Variants in SCAF4 observed in about 807,000 individuals in gnomAD.
SCAF4 encodes SR-related and CTD-associated factor 4.
A neutral mutation model predicts 129.8 loss-of-function variants in SCAF4; 25 were observed. The observed-to-expected ratio is 0.19, with a 90% CI of 0.14 to 0.27. The LOEUF (loss-of-function observed/expected upper bound fraction) is 0.27. Among genes scored for constraint, SCAF4 ranks in the 10% least tolerant of loss-of-function variants. SCAF4 has a pLI of 1.00. For missense variants in SCAF4, 1,246 were observed against 1,457.1 expected (o/e 0.86, Z 2.36); for synonymous variants, 551 against 497.7 (o/e 1.11, Z -1.43).
intron 1 of SCAF4, 83 bp from the exon 2 acceptor site, chr21:31,706,440 C>T (rs2050664538): frequency 8.9e-6 from 8 of 899,458 alleles, no homozygotes; most frequent in South Asian, 4.6e-5. Flanking sequence ...TCTACATCAC[C>T]ACTTGGAAAA....
At chr21:31,709,350 CA>C (rs376581889) in intron 1 of SCAF4, among the ~76,000 whole-genome samples, 1,447 of 117,670 alleles carry the variant, frequency 0.012, 23 homozygotes, top group African/African-American at 0.035. Flanking sequence ...CTGAAACTGT[CA>C]AAAAAAAAAA....
At chr21:31,685,807 A>G in intron 16 of SCAF4, 74 bp from the exon 17 acceptor site, 1 of 1,385,370 alleles carries the variant, frequency 7.2e-7, no homozygotes, top group Non-Finnish European at 9.8e-7. Context: ...CAGATAAAAG[A>G]GCAAACTGTT....
chr21:31,675,703 A>T (rs1450789636), intron 19 of SCAF4, among the ~76,000 whole-genome samples: 1 of 152,214 alleles, frequency 6.6e-6, no homozygotes, highest in Non-Finnish European at 1.5e-5. Context: ...CAAATTTGGG[A>T]AGTATGGAAA....
chr21:31,706,987 G>T, intron 1 of SCAF4: 1 of 301,476 alleles, frequency 3.3e-6, no homozygotes, highest in Non-Finnish European at 6.3e-6. Flanking sequence ...TTTTTAAGGA[G>T]GGAATCCCAG....
At chr21:31,705,955 A>C (rs970996292) in intron 2 of SCAF4, among the ~76,000 whole-genome samples, 3 of 152,214 alleles carry the variant, frequency 2.0e-5, no homozygotes, top group South Asian at 4.1e-4. Flanking sequence ...CTGTAATCTC[A>C]GCTACTCAGG....
chr21:31,685,072 A>G lies in SCAF4; in HGVS notation c.2465T>C (p.Val822Ala). ...ACCAAGAAGTGAAACAGGCTGGGTTACAGGAGGGGTGGGCAGATTCGTGGG... is the reference window on the plus strand; with the variant it reads ...ACCAAGAAGTGAAACAGGCTGGGTTGCAGGAGGGGTGGGCAGATTCGTGGG... ...AAPTNLPTPP[V>A]TQPVSLLGTQ... is the part of the protein sequence containing the mutation. The change falls in exon 19 of 20, where the codon GTA (valine) becomes GCA (alanine). Residue 822 changes from valine to alanine, a missense_variant. Physicochemically the swap from Val to Ala is moderately conservative, Grantham distance 64. Around this residue, in one of 6 missense-constraint regions of SCAF4, gnomAD observed 468 missense variants for 605.5 expected, o/e 0.77. Coordinates refer to ENST00000286835, the MANE Select transcript of SCAF4 (RefSeq NM_020706.2). 6.2e-7 allele frequency: 1 copy of G among 1,611,310 alleles called. No homozygotes were observed. The highest frequency in any genetic ancestry group is 8.5e-7 in the Non-Finnish European group (1 of 1,178,556).
intron 19 of SCAF4, among the ~76,000 whole-genome samples, chr21:31,676,101 T>C (rs1207409587): frequency 2.0e-5 from 3 of 152,154 alleles, no homozygotes; most frequent in African/African-American, 4.8e-5. Flanking sequence ...ACTGCATCAG[T>C]TGCAGAGGAT....
rs573116164 is a variant in SCAF4, at chr21:31,671,108, TAAAA to T, written c.*287_*290del. The stretch of plus-strand genomic sequence containing the variant: ...CTTTCACCGTTACCTTGTCTTAAAT[TAAAA>T]AAAAAAAAAAAAATAGAGAGCACTT... On this transcript the variant is annotated 3_prime_UTR_variant, in exon 20 of 20. Coordinates refer to ENST00000286835, the MANE Select transcript of SCAF4 (RefSeq NM_020706.2). The T allele has an allele frequency of 2.6e-4, 54 of 207,830 alleles. No individual in the cohort carries two copies. The highest frequency in any genetic ancestry group is 5.2e-4 in the East Asian group (5 of 9,562). 12.9% of individuals were successfully genotyped at this position (207,830 alleles called of 1,614,324 possible). A position where few individuals can be genotyped will look rare whatever the true frequency, so the allele number is the denominator to read the frequency against.
At chr21:31,704,318 T>A (rs1210290725) in intron 3 of SCAF4, among the ~76,000 whole-genome samples, 2 of 152,138 alleles carry the variant, frequency 1.3e-5, no homozygotes, top group Admixed American at 1.3e-4. Flanking sequence ...TTTTAACATA[T>A]CAATTTTAAT....
chr21:31,723,550 T>C (rs2051123856), intron 1 of SCAF4, among the ~76,000 whole-genome samples: 1 of 152,144 alleles, frequency 6.6e-6, no homozygotes, highest in South Asian at 2.1e-4. Flanking sequence ...CAGATAAGTT[T>C]TTCCACTATT....
chr21:31,671,602 G>A lies in SCAF4; in HGVS notation c.3241C>T (p.Pro1081Ser), dbSNP rs904527622. Residue 1081 changes from proline (P) to serine (S), a missense_variant, in exon 20 of 20, where the codon CCT (proline) becomes TCT (serine). Pro to Ser is a moderately conservative substitution (Grantham distance 74). This residue lies in a region of SCAF4 where 339 missense variants were observed against 325.0 expected (regional missense o/e 1.04). Coordinates refer to ENST00000286835, the MANE Select transcript of SCAF4 (RefSeq NM_020706.2). ...EKEEARGKEK[P>S]EVTDRAGGNK... ...CCACCTGCCCTGTCTGTCACCTCAG[G>A]CTTTTCCTTTCCTCGGGCTTCTTCC... 3.1e-6 allele frequency: 5 copies of A among 1,614,068 alleles called. 1 individual carries two copies.
Position 31,731,646 on chromosome 21 carries a change from C to T in SCAF4, c.30+17G>A, listed in dbSNP as rs759883715. The T allele has an allele frequency of 1.3e-6, 2 of 1,589,436 alleles. No individual in the cohort carries two copies. Among genetic ancestry groups the T allele is most frequent in the Non-Finnish European group, 1.7e-6 (2 of 1,172,778 alleles). ...CCGCAGCAGGCCCGGCACCCCCCTG[C>T]CCCAAACACCCCTTACCTCCTGGTT... On this transcript the variant is annotated intron_variant, in intron 1 of 19. Coordinates refer to ENST00000286835, the MANE Select transcript of SCAF4 (RefSeq NM_020706.2).
chr21:31,717,874 TACAC>T (rs1402072429), intron 1 of SCAF4, among the ~76,000 whole-genome samples: 2,789 of 73,078 alleles, frequency 0.038, 109 homozygotes, highest in African/African-American at 0.13. Context: ...CACACACATA[TACAC>T]ATATATACAC....
chr21:31,714,937 G>A (rs1233153947), intron 1 of SCAF4, among the ~76,000 whole-genome samples: 1 of 152,172 alleles, frequency 6.6e-6, no homozygotes, highest in African/African-American at 2.4e-5. Flanking sequence ...GTTTCCAGAT[G>A]ATCCTGGTTA....
intron 19 of SCAF4, among the ~76,000 whole-genome samples, chr21:31,676,062 G>A (rs752012168): frequency 5.9e-5 from 9 of 152,110 alleles, no homozygotes. Flanking sequence ...AATGTAAAAG[G>A]TCTGATTTAA....
chr21:31,724,887 A>C (rs2051163213), intron 1 of SCAF4, among the ~76,000 whole-genome samples: 1 of 152,228 alleles, frequency 6.6e-6, no homozygotes, highest in African/African-American at 2.4e-5. Flanking sequence ...ACAGAATACT[A>C]GACAAAATGA....
chr21:31,711,987 T>C lies in SCAF4; in HGVS notation c.31-5630A>G, dbSNP rs147956082. Among the ~76,000 whole-genome samples, 869 of 152,262 alleles carry C rather than the reference T, an allele frequency of 5.7e-3. 12 individuals carry two copies. The highest frequency in any genetic ancestry group is 0.019 in the African/African-American group (810 of 41,560). On this transcript the variant is annotated intron_variant, in intron 1 of 19. Coordinates refer to ENST00000286835, the MANE Select transcript of SCAF4 (RefSeq NM_020706.2). The stretch of plus-strand genomic sequence containing the variant: ...AAAGTGTCAGCATGATTTATTTAGA[T>C]GATCAAAATACTGATCAAATTTCAA...
Position 31,672,221 on chromosome 21 carries a change from A to C in SCAF4, c.2622T>G (p.Pro874=). 6.2e-7 allele frequency: 1 copy of C among 1,610,420 alleles called. No homozygotes were observed. Among genetic ancestry groups the C allele is most frequent in the South Asian group, 1.1e-5 (1 of 90,732 alleles). ...GTGGCATGGGACGGGGCGGCATCAA[A>C]GGGAACCGCTGTAAGTGAGGTGGGG... The part of the protein sequence containing the change: ...GMPPPHLQRF[P]LMPPRPMPPH... The change falls in exon 20 of 20, where the codon CCT becomes CCG. Residue 874 remains proline (P), a synonymous_variant. Coordinates refer to ENST00000286835, the MANE Select transcript of SCAF4 (RefSeq NM_020706.2).
intron 1 of SCAF4, among the ~76,000 whole-genome samples, chr21:31,716,244 G>A (rs182348533): frequency 3.3e-5 from 5 of 151,932 alleles, no homozygotes; most frequent in East Asian, 3.9e-4. Context: ...ACTTTGTAAC[G>A]GATTACACTG....
Sources: allele counts gnomAD v4.1 joint callset (sites outside exome capture counted in the v4.1 genomes callset), GRCh38; gene constraint gnomAD v4.1.1; regional missense constraint gnomAD v4.1.1; transcripts MANE v1.5; gene names NCBI Gene and HGNC (gene_info 2026-07-23, HGNC 2026-07-21).